NR6A1: variants seen among roughly 807,000 people sequenced by gnomAD.
NR6A1 encodes nuclear receptor subfamily 6 group A member 1, also known as retinoic acid receptor-related testis-associated receptor.
In NR6A1, 7 loss-of-function variants were observed where a neutral mutation model predicts 59.1. That is an observed-to-expected ratio of 0.12 (90% CI 0.07 to 0.22). NR6A1 has a LOEUF of 0.22. NR6A1 is among the 10% of genes least tolerant of loss of function. NR6A1 has a pLI of 1.00. For missense variants in NR6A1, 468 were observed against 611.6 expected (o/e 0.77, Z 2.48); for synonymous variants, 243 against 236.1 (o/e 1.03, Z -0.27).
chr9:124,643,760 CAAA>C (rs1185801928), intron 2 of NR6A1, among the ~76,000 whole-genome samples: 1 of 127,334 alleles, frequency 7.9e-6, no homozygotes. Flanking sequence ...CTCAAAAAAA[CAAA>C]AAAAAAAAAA....
chr9:124,710,726 G>A (rs1007534862), intron 2 of NR6A1, among the ~76,000 whole-genome samples: 7 of 152,140 alleles, frequency 4.6e-5, no homozygotes, highest in African/African-American at 1.2e-4. Context: ...TGAGACTCTA[G>A]TATTCTACTA....
At chr9:124,660,376 T>A (rs1383711413) in intron 2 of NR6A1, among the ~76,000 whole-genome samples, 2 of 152,212 alleles carry the variant, frequency 1.3e-5, no homozygotes, top group African/African-American at 4.8e-5. Flanking sequence ...TACGAGTTAA[T>A]CCTTCCTAGC....
intron 9 of NR6A1, among the ~76,000 whole-genome samples, chr9:124,524,172 G>A (rs1375228124): frequency 6.6e-6 from 1 of 152,018 alleles, no homozygotes; most frequent in Non-Finnish European, 1.5e-5. Context: ...TGCCCAGGCT[G>A]GTCTTAACTC....
intron 1 of NR6A1, among the ~76,000 whole-genome samples, chr9:124,763,555 GT>G (rs1306963331): frequency 1.3e-5 from 2 of 152,182 alleles, no homozygotes; most frequent in Non-Finnish European, 2.9e-5. Context: ...AAGAGATTAA[GT>G]TTGAAACAAA....
intron 2 of NR6A1, among the ~76,000 whole-genome samples, chr9:124,691,311 A>G (rs1023819116): frequency 1.3e-5 from 2 of 152,174 alleles, no homozygotes; most frequent in Non-Finnish European, 2.9e-5. Context: ...TCAGTGGTTG[A>G]TATTTTTTCT....
At chr9:124,714,107 A>G (rs1273241988) in intron 2 of NR6A1, among the ~76,000 whole-genome samples, 1 of 152,240 alleles carries the variant, frequency 6.6e-6, no homozygotes, top group Non-Finnish European at 1.5e-5. Flanking sequence ...GATAAACTTT[A>G]GGCACATTAT....
At chr9:124,760,061 C>T (rs1476549414) in intron 1 of NR6A1, among the ~76,000 whole-genome samples, 1 of 145,092 alleles carries the variant, frequency 6.9e-6, no homozygotes, top group Non-Finnish European at 1.5e-5. Flanking sequence ...AAAACAACCA[C>T]CATGAGGTGG....
chr9:124,637,977 G>A (rs1836663463), intron 2 of NR6A1, among the ~76,000 whole-genome samples: 1 of 151,828 alleles, frequency 6.6e-6, no homozygotes, highest in Non-Finnish European at 1.5e-5. Context: ...GCGCATGATA[G>A]CTCATGCTTG....
At chr9:124,577,181 T>C (rs1189977459) in intron 2 of NR6A1, among the ~76,000 whole-genome samples, 1 of 152,246 alleles carries the variant, frequency 6.6e-6, no homozygotes, top group Non-Finnish European at 1.5e-5. Context: ...TATAGGCCTC[T>C]ATTAGAGAGG....
At chr9:124,675,487 T>TG (rs1171871353) in intron 2 of NR6A1, among the ~76,000 whole-genome samples, 3 of 152,218 alleles carry the variant, frequency 2.0e-5, no homozygotes, top group South Asian at 4.1e-4. Context: ...CAGCCAATAA[T>TG]GGTTCACTTA....
chr9:124,593,180 A>G (rs985102909), intron 2 of NR6A1, among the ~76,000 whole-genome samples: 14 of 152,202 alleles, frequency 9.2e-5, no homozygotes, highest in African/African-American at 3.4e-4. Context: ...AATCAAATCT[A>G]CAATTTTTGT....
chr9:124,666,296 T>G (rs1365850041), intron 2 of NR6A1, among the ~76,000 whole-genome samples: 1 of 141,846 alleles, frequency 7.0e-6, no homozygotes, highest in East Asian at 2.0e-4. Flanking sequence ...TTTTTTTTTT[T>G]GAGACAGGGT....
chr9:124,598,748 C>T, intron 2 of NR6A1: 1 of 944,314 alleles, frequency 1.1e-6, no homozygotes, highest in Non-Finnish European at 1.7e-6. Flanking sequence ...CTCCCTTCTC[C>T]TTCACCGAAA....
At chr9:124,526,752 G>C in intron 8 of NR6A1, 27 bp downstream of exon 8, 1 of 1,610,810 alleles carries the variant, frequency 6.2e-7, no homozygotes, top group Non-Finnish European at 8.5e-7. Context: ...CACTGCAAAC[G>C]TCCCTTTTCC....
At chr9:124,732,735 C>T (rs1239238095) in intron 2 of NR6A1, among the ~76,000 whole-genome samples, 1 of 148,280 alleles carries the variant, frequency 6.7e-6, no homozygotes, top group Non-Finnish European at 1.5e-5. Flanking sequence ...TTGCTCTTGT[C>T]ACCCAGGCTG....
chr9:124,622,644 A>AT (rs528291185), intron 2 of NR6A1, among the ~76,000 whole-genome samples: 1 of 152,112 alleles, frequency 6.6e-6, no homozygotes, highest in Non-Finnish European at 1.5e-5. Flanking sequence ...TACTTGATAT[A>AT]TTTTTTCAGG....
intron 2 of NR6A1, among the ~76,000 whole-genome samples, chr9:124,646,145 C>T (rs544606266): frequency 6.6e-6 from 1 of 152,044 alleles, no homozygotes; most frequent in Admixed American, 6.5e-5. Flanking sequence ...GCACTGAATG[C>T]ATATGTTAGA....
At chr9:124,596,266 G>A (rs568914099) in intron 2 of NR6A1, among the ~76,000 whole-genome samples, 2 of 151,772 alleles carry the variant, frequency 1.3e-5, no homozygotes, top group Non-Finnish European at 2.9e-5. Context: ...CTAAGGAAAA[G>A]ACAAAACGGA....
At chr9:124,723,568 C>T (rs1236617725) in intron 2 of NR6A1, among the ~76,000 whole-genome samples, 3 of 152,162 alleles carry the variant, frequency 2.0e-5, no homozygotes, top group Admixed American at 1.3e-4. Flanking sequence ...CCTGCCAACA[C>T]CTTTGTGTCA....
Sources: gnomAD v4.1 joint callset for allele counts (sites outside exome capture counted in the v4.1 genomes callset) on GRCh38, gnomAD v4.1.1 for gene constraint, MANE v1.5 for transcripts, NCBI Gene and HGNC (gene_info 2026-07-23, HGNC 2026-07-21) for gene names.